ANKFN1: variants seen among roughly 807,000 people sequenced by gnomAD.
The protein encoded by ANKFN1 is ankyrin repeat and fibronectin type III domain containing 1.
A neutral mutation model predicts 108.7 loss-of-function variants in ANKFN1; 74 were observed. The ratio of observed to expected loss-of-function variants is 0.68; its 90% confidence interval spans 0.56 to 0.83. The LOEUF (loss-of-function observed/expected upper bound fraction) is 0.83, where lower values mean the gene tolerates loss of function less well. ANKFN1 is among the 40% of genes least tolerant of loss of function. The pLI, the probability that ANKFN1 is intolerant of heterozygous loss-of-function variation, is 0.00. For missense variants in ANKFN1, 1,505 were observed against 1,382.3 expected (o/e 1.09, Z -1.41); for synonymous variants, 547 against 516.2 (o/e 1.06, Z -0.81).
intron 4 of ANKFN1, among the ~76,000 whole-genome samples, chr17:56,146,265 A>G (rs980839963): frequency 8.5e-5 from 13 of 152,180 alleles, no homozygotes; most frequent in Middle Eastern, 3.4e-3. Flanking sequence ...GCTGGCATTG[A>G]GTGTCTGCAG....
In ANKFN1 at chr17:56,440,335, A is replaced by G. The variant is rs1251227825; in HGVS notation, c.919A>G (p.Ser307Gly). The change falls in exon 9 of 21, where the codon AGT becomes GGT. Residue 307 changes from serine to glycine, a missense_variant. Ser to Gly is a moderately conservative substitution (Grantham distance 56). Transcript: ENST00000682825. ...CCCCCTACTCCCTCCAGTGGAATGG[A>G]GTATGTCCGAAGACTTTTCTCCTTT... Reference protein sequence around the residue: ...AVVTRYKVEWSMSEDFSPLAG... With the variant: ...AVVTRYKVEWGMSEDFSPLAG... 1 of 1,609,824 alleles carries G rather than the reference A, an allele frequency of 6.2e-7. No homozygotes were observed. Among genetic ancestry groups the G allele is most frequent in the East Asian group, 2.2e-5 (1 of 44,834 alleles).
At chr17:56,122,756 A>C (rs1906701019) in intron 4 of ANKFN1, among the ~76,000 whole-genome samples, 1 of 152,216 alleles carries the variant, frequency 6.6e-6, no homozygotes, top group South Asian at 2.1e-4. Flanking sequence ...ACTGAAAAAA[A>C]GTGGTCATAT....
chr17:56,298,254 T>G (rs2044570964), intron 3 of ANKFN1, among the ~76,000 whole-genome samples: 1 of 152,240 alleles, frequency 6.6e-6, no homozygotes, highest in African/African-American at 2.4e-5. Flanking sequence ...AGTAGTTCTC[T>G]CTATTATAGA....
chr17:56,508,884 A>G (rs1339762749), intron 20 of ANKFN1, among the ~76,000 whole-genome samples: 1 of 152,206 alleles, frequency 6.6e-6, no homozygotes, highest in Non-Finnish European at 1.5e-5. Flanking sequence ...CAGTGCTTCT[A>G]TTAGAGCAGG....
chr17:56,425,391 C>T (rs2048530885), intron 8 of ANKFN1, among the ~76,000 whole-genome samples: 1 of 152,224 alleles, frequency 6.6e-6, no homozygotes, highest in Non-Finnish European at 1.5e-5. Flanking sequence ...TTAACTACAG[C>T]ATTGACTCTC....
intron 3 of ANKFN1, among the ~76,000 whole-genome samples, chr17:56,280,337 A>G (rs903444277): frequency 1.9e-4 from 29 of 152,184 alleles, no homozygotes; most frequent in Admixed American, 1.3e-4. Flanking sequence ...CCCATAGAAT[A>G]AAAAGGCAGA....
At chr17:56,202,194 C>T (rs1394518525) in intron 1 of ANKFN1, among the ~76,000 whole-genome samples, 2 of 152,196 alleles carry the variant, frequency 1.3e-5, no homozygotes, top group African/African-American at 4.8e-5. Context: ...AAACAGTTAA[C>T]CCTCATGGTA....
At chr17:56,292,165 A>C (rs1228651049) in intron 3 of ANKFN1, among the ~76,000 whole-genome samples, 1 of 152,186 alleles carries the variant, frequency 6.6e-6, no homozygotes, top group African/African-American at 2.4e-5. Flanking sequence ...TGGAAATCAC[A>C]ATGCCTTCCA....
chr17:56,118,794 C>A (rs533058589), intron 4 of ANKFN1, among the ~76,000 whole-genome samples: 8 of 152,208 alleles, frequency 5.3e-5, no homozygotes, highest in African/African-American at 1.7e-4. Flanking sequence ...CTAGGCATAC[C>A]GTGTAGTTTA....
intron 2 of ANKFN1, among the ~76,000 whole-genome samples, chr17:56,220,333 T>C (rs1915742454): frequency 6.6e-6 from 1 of 152,192 alleles, no homozygotes; most frequent in Non-Finnish European, 1.5e-5. Flanking sequence ...CATTTAAATA[T>C]TGTACTAGTC....
intron 3 of ANKFN1, among the ~76,000 whole-genome samples, chr17:56,247,491 T>A (rs557336806): frequency 1.8e-4 from 27 of 152,292 alleles, no homozygotes; most frequent in Admixed American, 1.2e-3. Flanking sequence ...TGCAAGTAGC[T>A]ACATAGTAGA....
intron 3 of ANKFN1, among the ~76,000 whole-genome samples, chr17:56,261,533 G>A (rs2043510876): frequency 6.6e-6 from 1 of 151,828 alleles, no homozygotes; most frequent in Admixed American, 6.6e-5. Context: ...TGAGGAGCAA[G>A]GAAGCCAGTC....
intron 2 of ANKFN1, among the ~76,000 whole-genome samples, chr17:56,219,209 T>C (rs1350850408): frequency 6.6e-6 from 1 of 151,972 alleles, no homozygotes; most frequent in Non-Finnish European, 1.5e-5. Context: ...TTCACCTATG[T>C]TAAAGAGTAG....
intron 6 of ANKFN1, among the ~76,000 whole-genome samples, chr17:56,364,662 A>C (rs927099435): frequency 3.3e-5 from 5 of 152,206 alleles, no homozygotes; most frequent in Admixed American, 2.6e-4. Flanking sequence ...GAGTTTGATG[A>C]GTTCCAAAAG....
intron 3 of ANKFN1, among the ~76,000 whole-genome samples, chr17:56,311,009 T>C (rs926484992): frequency 6.6e-6 from 1 of 152,202 alleles, no homozygotes; most frequent in South Asian, 2.1e-4. Flanking sequence ...TAGAGTGACG[T>C]CATGAAGTAT....
chr17:56,048,507 C>A (rs1301006881), intron 4 of ANKFN1, among the ~76,000 whole-genome samples: 1 of 152,108 alleles, frequency 6.6e-6, no homozygotes, highest in Non-Finnish European at 1.5e-5. Flanking sequence ...AAATTAGGAG[C>A]TGTAAAATTA....
intron 8 of ANKFN1, among the ~76,000 whole-genome samples, chr17:56,405,515 C>G (rs1018199129): frequency 1.3e-5 from 2 of 151,984 alleles, no homozygotes; most frequent in East Asian, 1.9e-4. Flanking sequence ...TAATCTTTGA[C>G]CTGGTAATTC....
intron 1 of ANKFN1, among the ~76,000 whole-genome samples, chr17:56,157,407 G>A (rs1010625255): frequency 6.6e-6 from 1 of 152,178 alleles, no homozygotes; most frequent in Non-Finnish European, 1.5e-5. Context: ...GGGATTAGCT[G>A]GACCTCAGGG....
intron 1 of ANKFN1, among the ~76,000 whole-genome samples, chr17:56,164,380 G>C (rs1909959453): frequency 6.6e-6 from 1 of 152,040 alleles, no homozygotes; most frequent in South Asian, 2.1e-4. Flanking sequence ...CATCTCTACT[G>C]GATCTGTTCT....
Sources: allele counts gnomAD v4.1 joint callset (sites outside exome capture counted in the v4.1 genomes callset), GRCh38; gene constraint gnomAD v4.1.1; transcripts MANE v1.5; gene names NCBI Gene and HGNC (gene_info 2026-07-23, HGNC 2026-07-21).